PIP4K2B: variants seen among roughly 807,000 people sequenced by gnomAD.
PIP4K2B encodes phosphatidylinositol-5-phosphate 4-kinase type 2 beta, also known as phosphatidylinositol 5-phosphate 4-kinase type-2 beta.
Under a neutral mutation model 42.0 loss-of-function variants are expected in PIP4K2B, and 3 were observed. That is an observed-to-expected ratio of 0.07 (90% confidence interval 0.03 to 0.18). The LOEUF is 0.18. PIP4K2B is among the 10% of genes least tolerant of loss of function. PIP4K2B has a pLI of 1.00. For missense variants in PIP4K2B, 332 were observed against 562.3 expected (o/e 0.59, Z 4.14); for synonymous variants, 204 against 210.1 (o/e 0.97, Z 0.25).
At chr17:38,794,741 CAAA>C (rs1910546112) in intron 1 of PIP4K2B, among the ~76,000 whole-genome samples, 1 of 150,144 alleles carries the variant, frequency 6.7e-6, no homozygotes, top group South Asian at 2.1e-4. Flanking sequence ...ACAACAACAA[CAAA>C]AAAGATAAAC....
intron 7 of PIP4K2B, 35 bp downstream of exon 7, chr17:38,777,652 G>A (rs1598046872): frequency 1.5e-6 from 2 of 1,348,160 alleles, no homozygotes; most frequent in African/African-American, 1.4e-5. Context: ...GGTACAGAAG[G>A]AGCCTTGCAG....
At chr17:38,798,558 T>C (rs1272526062) in intron 1 of PIP4K2B, among the ~76,000 whole-genome samples, 2 of 152,110 alleles carry the variant, frequency 1.3e-5, no homozygotes, top group African/African-American at 4.8e-5. Flanking sequence ...CTTCAAAAAC[T>C]ATGGGAAGAC....
intron 7 of PIP4K2B, chr17:38,776,675 T>C: frequency 2.4e-6 from 1 of 423,556 alleles, no homozygotes; most frequent in South Asian, 1.7e-5. Context: ...CCTATTATTA[T>C]ATGTATTTTA....
At chr17:38,792,446 C>T (rs1349460537) in intron 1 of PIP4K2B, among the ~76,000 whole-genome samples, 2 of 152,116 alleles carry the variant, frequency 1.3e-5, no homozygotes, top group Non-Finnish European at 2.9e-5. Flanking sequence ...CAACAGAATA[C>T]TATTCAGCCT....
At chr17:38,778,460 A>G (rs1441135162) in intron 5 of PIP4K2B, 88 bp from the exon 6 acceptor site, 3 of 1,221,340 alleles carry the variant, frequency 2.5e-6, no homozygotes, top group African/African-American at 1.5e-5. Flanking sequence ...GGTGAACTCA[A>G]GTAGGCTTGT....
At chr17:38,770,391 T>C (rs754038850) in intron 9 of PIP4K2B, 45 bp downstream of exon 9, 3 of 1,198,522 alleles carry the variant, frequency 2.5e-6, no homozygotes, top group Non-Finnish European at 3.7e-6. Context: ...TAAGCACAGA[T>C]GCACCGACCC....
At chr17:38,779,797 A>G in intron 4 of PIP4K2B, 1 of 422,908 alleles carries the variant, frequency 2.4e-6, no homozygotes, top group South Asian at 6.1e-5. Flanking sequence ...TTAGTATCTC[A>G]CCTAAGATTT....
At chr17:38,776,601 A>G in intron 7 of PIP4K2B, 1 of 441,816 alleles carries the variant, frequency 2.3e-6, no homozygotes, top group South Asian at 1.6e-5. Context: ...ACTGCACTCC[A>G]GCCTGGGGAC....
At chr17:38,770,374 C>G (rs1361032903) in intron 9 of PIP4K2B, 62 bp downstream of exon 9, 4 of 964,976 alleles carry the variant, frequency 4.1e-6, no homozygotes, top group East Asian at 2.4e-5. Flanking sequence ...TCCCTGGGGT[C>G]TGAGGGTAAG....
chr17:38,792,577 A>G (rs1392077793), intron 1 of PIP4K2B: 1 of 152,228 alleles, frequency 6.6e-6, no homozygotes, highest in Non-Finnish European at 1.5e-5. Flanking sequence ...CTTCATAGGA[A>G]TTGTTACCTA....
At chr17:38,790,497 T>G (rs1010395233) in intron 1 of PIP4K2B, among the ~76,000 whole-genome samples, 1 of 152,190 alleles carries the variant, frequency 6.6e-6, no homozygotes, top group Non-Finnish European at 1.5e-5. Context: ...CTTGCTCTGT[T>G]GCCCAGGCTG....
At position 38,779,428 on chromosome 17, in the gene PIP4K2B, G is replaced by A. The variant is rs772326655; in HGVS notation, c.609C>T (p.Asn203=). The A allele has an allele frequency of 5.3e-5, 86 of 1,613,228 alleles. No homozygotes were observed. Among genetic ancestry groups the A allele is most frequent in the Admixed American group, 5.0e-5 (3 of 59,984 alleles). Residue 203 remains asparagine, a synonymous_variant, in exon 5 of 10, where the codon AAC becomes AAT. Transcript: ENST00000619039. ...GCACAGTGAGCCGATGGCTGAACAC[G>A]TTCCTGGTAACCACCATGTAGGTTT... The part of the protein sequence containing the change: ...GVETYMVVTR[N]VFSHRLTVHR...
intron 1 of PIP4K2B, among the ~76,000 whole-genome samples, chr17:38,793,563 C>A (rs1910457225): frequency 6.6e-6 from 1 of 151,994 alleles, no homozygotes; most frequent in Admixed American, 6.6e-5. Flanking sequence ...ATTTTTAAAG[C>A]AGTAGGGCAA....
chr17:38,779,335 G>C lies in PIP4K2B; in HGVS notation c.654+48C>G, dbSNP rs775086149. ...AAGTTGGAGTAGTGGCCCCTTCGGG[G>C]CTCAGATAGAGGGGAGGCACAGCTC... On this transcript the variant is annotated intron_variant, in intron 5 of 9. Coordinates refer to ENST00000619039, the MANE Select transcript of PIP4K2B (RefSeq NM_003559.5). 1.9e-6 allele frequency: 3 copies of C among 1,571,134 alleles called. No homozygotes were observed. In the South Asian group the frequency reaches 3.3e-5, roughly 18 times the overall value.
At chr17:38,775,251 CTTTTG>C (rs1394335034) in intron 7 of PIP4K2B, among the ~76,000 whole-genome samples, 4 of 152,030 alleles carry the variant, frequency 2.6e-5, no homozygotes, top group African/African-American at 7.2e-5. Flanking sequence ...CCGCGCCTAG[CTTTTG>C]TTTTGTTTTT....
chr17:38,778,477 C>G (rs1909493965), intron 5 of PIP4K2B, 105 bp from the exon 6 acceptor site: 1 of 972,118 alleles, frequency 1.0e-6, no homozygotes, highest in Non-Finnish European at 1.7e-6. Flanking sequence ...TTGTTAGAGT[C>G]CTAGAGGGGC....
Position 38,777,681 on chromosome 17 carries a change from A to G in PIP4K2B, c.807+6T>C, listed in dbSNP as rs371570002. 164 of 1,581,356 alleles carry G rather than the reference A, an allele frequency of 1.0e-4. No homozygotes were observed. Among genetic ancestry groups the G allele is most frequent in the Non-Finnish European group, 1.4e-4 (160 of 1,150,266 alleles). ...CTTGCAGGTGAAAATGAAGGTTAGT[A>G]AGTACCTCAACGTCCCGCTTCAGTT... On this transcript the variant is annotated splice_donor_region_variant and intron_variant, in intron 7 of 9. Coordinates refer to ENST00000619039, the MANE Select transcript of PIP4K2B (RefSeq NM_003559.5).
intron 7 of PIP4K2B, among the ~76,000 whole-genome samples, chr17:38,774,293 A>C (rs569219271): frequency 6.6e-6 from 1 of 152,316 alleles, no homozygotes; most frequent in South Asian, 2.1e-4. Flanking sequence ...GGCATCATCC[A>C]ATCAGCAGAA....
At chr17:38,792,200 G>C (rs1176898222) in intron 1 of PIP4K2B, among the ~76,000 whole-genome samples, 1 of 152,134 alleles carries the variant, frequency 6.6e-6, no homozygotes, top group African/African-American at 2.4e-5. Flanking sequence ...CCAGGCTAGA[G>C]TGCAGTGGTA....
Sources: allele counts gnomAD v4.1 joint callset (sites outside exome capture counted in the v4.1 genomes callset), GRCh38; gene constraint gnomAD v4.1.1; transcripts MANE v1.5; gene names NCBI Gene and HGNC (gene_info 2026-07-23, HGNC 2026-07-21).